SLC25A31: variants seen among roughly 807,000 people sequenced by gnomAD.
The protein encoded by SLC25A31 is ADP/ATP translocase 4.
In SLC25A31, 40 loss-of-function variants were observed where a neutral mutation model predicts 36.2. The observed-to-expected ratio is 1.10, with a 90% CI of 0.86 to 1.44. The LOEUF (loss-of-function observed/expected upper bound fraction) is 1.44. Among genes scored for constraint, SLC25A31 ranks in the 40% most tolerant of loss-of-function variants. SLC25A31 has a pLI of 0.00. For missense variants in SLC25A31, 350 were observed against 397.1 expected, an observed-to-expected ratio of 0.88 and a Z score of 1.01; for synonymous variants, 143 against 149.7, an observed-to-expected ratio of 0.96 and a Z score of 0.32.
At chr4:127,758,208 C>T (rs1031851125) in intron 2 of SLC25A31, among the ~76,000 whole-genome samples, 3 of 152,080 alleles carry the variant, frequency 2.0e-5, no homozygotes, top group Admixed American at 6.6e-5. Context: ...GTTGAGATTT[C>T]GGTGAGGACA....
intron 2 of SLC25A31, among the ~76,000 whole-genome samples, chr4:127,759,193 G>A (rs1002089377): frequency 6.6e-6 from 1 of 150,822 alleles, no homozygotes; most frequent in Non-Finnish European, 1.5e-5. Flanking sequence ...TCACCTTCTT[G>A]GTGAAATGTA....
intron 5 of SLC25A31, 111 bp from the exon 6 acceptor site, chr4:127,773,275 C>A: frequency 3.2e-6 from 3 of 936,780 alleles, no homozygotes; most frequent in Non-Finnish European, 3.1e-6. Flanking sequence ...CCTATTAACA[C>A]AGTGCTACTC....
chr4:127,741,998 T>TTA (rs1731740634), intron 1 of SLC25A31, among the ~76,000 whole-genome samples: 1 of 152,220 alleles, frequency 6.6e-6, no homozygotes, highest in African/African-American at 2.4e-5. Context: ...ATAATTTTAC[T>TTA]TACTTGACTC....
At chr4:127,765,261 A>G (rs1732219593) in intron 3 of SLC25A31, among the ~76,000 whole-genome samples, 1 of 152,054 alleles carries the variant, frequency 6.6e-6, no homozygotes, top group Non-Finnish European at 1.5e-5. Flanking sequence ...TAGTTCCTCT[A>G]ATTTCTAAGT....
rs766833129 is a variant in SLC25A31 at position 127,773,357 on chromosome 4, T to C, written c.760-29T>C. ...CTTAAGATAAAAGATATTCAGATAA[T>C]GGAAAACCCTTTGTTTTTCTTTGTA... On this transcript the variant is annotated intron_variant, in intron 5 of 5. Coordinates refer to ENST00000281154, the MANE Select transcript of SLC25A31 (RefSeq NM_031291.4). 2.5e-6 allele frequency: 4 copies of C among 1,579,698 alleles called. No homozygotes were observed. In the Admixed American group the frequency reaches 5.7e-5, roughly 22 times the overall value.
chr4:127,741,278 A>AGTG (rs753298379), intron 1 of SLC25A31, among the ~76,000 whole-genome samples: 1 of 152,196 alleles, frequency 6.6e-6, no homozygotes. Flanking sequence ...AAAGTGCAAG[A>AGTG]GTGGATCCCT....
intron 1 of SLC25A31, among the ~76,000 whole-genome samples, chr4:127,733,950 A>G (rs1731577040): frequency 1.3e-5 from 2 of 152,190 alleles, no homozygotes; most frequent in African/African-American, 4.8e-5. Context: ...GACACTTTTT[A>G]TAAGCTTTTC....
chr4:127,750,297 A>G (rs566088617), intron 2 of SLC25A31, among the ~76,000 whole-genome samples: 1 of 152,338 alleles, frequency 6.6e-6, no homozygotes, highest in Admixed American at 6.5e-5. Context: ...ACATCATGAT[A>G]AACTCATAAG....
In SLC25A31 at chr4:127,744,806, A is replaced by G. The variant is rs1731795115; in HGVS notation, c.360+7A>G. On this transcript the variant is annotated splice_region_variant and intron_variant, in intron 2 of 5. Transcript: ENST00000281154. ...AGTTAATAAAGAAAAACAGGTAATT[A>G]TATTTTTTTTTTACTTTTTTCTTCC... The G allele has an allele frequency of 6.8e-7, 1 of 1,471,762 alleles. No individual in the cohort carries two copies. The highest frequency in any genetic ancestry group is 9.1e-7 in the Non-Finnish European group (1 of 1,097,264). 91.2% of individuals were successfully genotyped at this position (1,471,762 alleles called of 1,614,324 possible). A position where few individuals can be genotyped will look rare whatever the true frequency, so the allele number is the denominator to read the frequency against.
In SLC25A31 at chr4:127,764,281, A is replaced by C; in HGVS notation, c.399A>C (p.Gly133=). 1.2e-6 allele frequency: 2 copies of C among 1,613,862 alleles called. No individual in the cohort carries two copies. Among genetic ancestry groups the C allele is most frequent in the South Asian group, 2.2e-5 (2 of 91,050 alleles). The change falls in exon 3 of 6, where the codon GGA becomes GGC. Residue 133 remains glycine, a synonymous_variant. Coordinates refer to ENST00000281154, the MANE Select transcript of SLC25A31 (RefSeq NM_031291.4). ...RWFLANLASG[G]AAGATSLCVV... ...TTTTGGCAAACCTGGCTTCTGGTGG[A>C]GCTGCTGGGGCAACATCCTTATGTG... is the stretch of plus-strand genomic sequence containing the variant.
At chr4:127,734,273 T>G (rs1731581730) in intron 1 of SLC25A31, among the ~76,000 whole-genome samples, 1 of 152,092 alleles carries the variant, frequency 6.6e-6, no homozygotes, top group South Asian at 2.1e-4. Context: ...TTTAAAGAAC[T>G]GATTTTCTGG....
intron 2 of SLC25A31, among the ~76,000 whole-genome samples, chr4:127,755,427 T>G (rs1325320539): frequency 6.6e-6 from 1 of 152,100 alleles, no homozygotes; most frequent in African/African-American, 2.4e-5. Context: ...GTATAGAGAA[T>G]TCAAATACTT....
At chr4:127,755,878 C>T (rs1190309513) in intron 2 of SLC25A31, among the ~76,000 whole-genome samples, 1 of 152,200 alleles carries the variant, frequency 6.6e-6, no homozygotes, top group Non-Finnish European at 1.5e-5. Flanking sequence ...ACTAAAAATA[C>T]AAAAATTAGC....
intron 5 of SLC25A31, among the ~76,000 whole-genome samples, chr4:127,769,276 G>A (rs569628466): frequency 6.6e-6 from 1 of 152,082 alleles, no homozygotes; most frequent in Non-Finnish European, 1.5e-5. Flanking sequence ...TGAACTCCAA[G>A]GACAAAAACT....
At chr4:127,732,393 C>T (rs1731543695) in intron 1 of SLC25A31, among the ~76,000 whole-genome samples, 1 of 152,184 alleles carries the variant, frequency 6.6e-6, no homozygotes, top group South Asian at 2.1e-4. Context: ...GTTTGCCTCT[C>T]TCCACTCATT....
chr4:127,770,443 G>A (rs1417134789), intron 5 of SLC25A31, among the ~76,000 whole-genome samples: 2 of 151,946 alleles, frequency 1.3e-5, no homozygotes, highest in South Asian at 2.1e-4. Flanking sequence ...TGGCTAACAC[G>A]GTGAAACTCC....
rs70966054 is a variant in SLC25A31, at chr4:127,735,896, ATT to A, written c.232+5129_232+5130del. ...TATTTATTTATTTATTTATTTATTTATTTTTTTTTTTGAGACGGAGTCTCGCT... is the reference window on the plus strand; with the variant it reads ...TATTTATTTATTTATTTATTTATTTATTTTTTTTTGAGACGGAGTCTCGCT... On this transcript the variant is annotated intron_variant, in intron 1 of 5. Coordinates refer to ENST00000281154, the MANE Select transcript of SLC25A31 (RefSeq NM_031291.4). Among the ~76,000 whole-genome samples the A allele has an allele frequency of 9.5e-3, 710 of 74,640 alleles. 19 individuals carry two copies. The highest frequency in any genetic ancestry group is 0.037 in the Middle Eastern group (2 of 54). The allele number at this position is 74,640 out of a possible 152,430, so 49.0% of individuals were successfully genotyped here.
intron 5 of SLC25A31, among the ~76,000 whole-genome samples, chr4:127,770,249 G>C (rs185069876): frequency 6.6e-6 from 1 of 152,170 alleles, no homozygotes; most frequent in Non-Finnish European, 1.5e-5. Context: ...ACTATGGATT[G>C]GGTCAGTGGT....
At chr4:127,770,582 G>A (rs1215525012) in intron 5 of SLC25A31, among the ~76,000 whole-genome samples, 3 of 151,626 alleles carry the variant, frequency 2.0e-5, no homozygotes, top group Non-Finnish European at 4.4e-5. Flanking sequence ...CCAAGATGGC[G>A]CCACTGCACT....
Sources: allele counts gnomAD v4.1 joint callset (sites outside exome capture counted in the v4.1 genomes callset), GRCh38; gene constraint gnomAD v4.1.1; transcripts MANE v1.5; gene names NCBI Gene and HGNC (gene_info 2026-07-23, HGNC 2026-07-21).